Variants in ALDH3A1 observed in about 807,000 individuals in gnomAD.
ALDH3A1 encodes the protein aldehyde dehydrogenase, dimeric NADP-preferring.
In ALDH3A1, 46 loss-of-function variants were observed where a neutral mutation model predicts 49.9. The observed-to-expected ratio is 0.92, with a 90% CI of 0.73 to 1.18. ALDH3A1 has a LOEUF of 1.18. ALDH3A1 is among the 50% of genes most tolerant of loss of function. The pLI, the probability that ALDH3A1 is intolerant of heterozygous loss-of-function variation, is 0.00. For synonymous variants in ALDH3A1, 269 were observed against 253.3 expected (o/e 1.06, Z -0.59); for missense variants, 592 against 611.8 (o/e 0.97, Z 0.34).
In ALDH3A1 at chr17:19,745,300, T is replaced by G. The variant is rs562444690; in HGVS notation, c.-5-166A>C. 1.5e-3 allele frequency: 1,041 copies of G among 701,048 alleles called. 8 individuals are homozygous for G. The highest frequency in any genetic ancestry group is 0.012 in the African/African-American group (612 of 52,786). The allele number at this position is 701,048 out of a possible 1,614,324, so 43.4% of individuals were successfully genotyped here. A position where few individuals can be genotyped will look rare whatever the true frequency, so the allele number is the denominator to read the frequency against. The stretch of plus-strand genomic sequence containing the variant: ...CCTCGCCTCCTCTCCCGCCCCTCAC[T>G]CAGACGCCTGGGCCCTGGCTGCCTT... On this transcript the variant is annotated intron_variant, in intron 1 of 10. Coordinates refer to ENST00000225740, the MANE Select transcript of ALDH3A1 (RefSeq NM_000691.5).
At chr17:19,741,460 T>C (rs2086491080) in intron 5 of ALDH3A1, 2 of 452,556 alleles carry the variant, frequency 4.4e-6, no homozygotes, top group South Asian at 2.4e-5. Flanking sequence ...TGCTCCCTGA[T>C]CACGCCCTTG....
chr17:19,744,195 G>T, intron 2 of ALDH3A1: 1 of 876,728 alleles, frequency 1.1e-6, no homozygotes, highest in Non-Finnish European at 1.4e-6. Flanking sequence ...CCTGAGGGCA[G>T]GAGTTCAAGA....
At chr17:19,745,230 C>T in intron 1 of ALDH3A1, 96 bp from the exon 2 acceptor site, 1 of 1,333,962 alleles carries the variant, frequency 7.5e-7, no homozygotes, top group Non-Finnish European at 9.9e-7. Flanking sequence ...TCCCTGGGCT[C>T]GGCCTTGGGG....
At chr17:19,746,664 T>C (rs749824878) in intron 1 of ALDH3A1, among the ~76,000 whole-genome samples, 43 of 144,474 alleles carry the variant, frequency 3.0e-4, no homozygotes, top group Non-Finnish European at 2.9e-4. Flanking sequence ...CATGTGTGTG[T>C]GTGCGTGTGT....
chr17:19,738,854 C>T (rs1179904543), intron 9 of ALDH3A1, 142 bp downstream of exon 9: 12 of 703,442 alleles, frequency 1.7e-5, no homozygotes, highest in East Asian at 2.7e-5. Context: ...ATGGATGGCA[C>T]GCAGAGGCCA....
In ALDH3A1 at chr17:19,739,536, G is replaced by GC. The variant is rs774423061; in HGVS notation, c.1087dup (p.Ala363GlyfsTer13). On this transcript the variant is annotated frameshift_variant, in exon 8 of 11. Coordinates refer to ENST00000225740, the MANE Select transcript of ALDH3A1 (RefSeq NM_000691.5). LOFTEE classifies it high-confidence loss of function. Reference sequence around the variant, plus strand: ...GTCGTTGCTGGAGAACATGTAGAGGGCCAGGGGCTTCTCACGCTGGTTGAT... The same window carrying GC: ...GTCGTTGCTGGAGAACATGTAGAGGGCCCAGGGGCTTCTCACGCTGGTTGAT... 1 of 1,612,418 alleles carries GC rather than the reference G, an allele frequency of 6.2e-7. No individual in the cohort carries two copies. The highest frequency in any genetic ancestry group is 8.5e-7 in the Non-Finnish European group (1 of 1,179,506).
intron 3 of ALDH3A1, 152 bp from the exon 4 acceptor site, chr17:19,742,782 C>T (rs1220478895): frequency 6.5e-7 from 1 of 1,537,356 alleles, no homozygotes. Flanking sequence ...TCACGGGGCA[C>T]ACCCAGGAGC....
At chr17:19,739,202 G>A in intron 8 of ALDH3A1, 107 bp from the exon 9 acceptor site, 4 of 1,038,964 alleles carry the variant, frequency 3.8e-6, no homozygotes, top group African/African-American at 1.6e-5. Flanking sequence ...ACAGGAGCAG[G>A]TGGAGGCAGA....
intron 7 of ALDH3A1, 176 bp downstream of exon 7, chr17:19,740,160 A>AG: frequency 1.4e-6 from 1 of 701,952 alleles, no homozygotes; most frequent in Non-Finnish European, 2.3e-6. Flanking sequence ...AGGTTGAAGC[A>AG]GGGGCTGTCC....
Position 19,741,186 on chromosome 17 carries a change from C to T in ALDH3A1, c.714G>A (p.Met238Ile). The change falls in exon 6 of 11, where the codon ATG (methionine) becomes ATA (isoleucine). Residue 238 changes from methionine (M) to isoleucine (I), a missense_variant. Coordinates refer to ENST00000225740, the MANE Select transcript of ALDH3A1 (RefSeq NM_000691.5). ...ACRRIAWGKF[M>I]NSGQTCVAPD... ...GGGCCACGCAGGTCTGGCCACTGTT[C>T]ATGAATTTCCCCCAGGCGATGCGTC... The T allele has an allele frequency of 6.2e-7, 1 of 1,614,002 alleles. No homozygotes were observed. The highest frequency in any genetic ancestry group is 8.5e-7 in the Non-Finnish European group (1 of 1,179,934).
intron 2 of ALDH3A1, chr17:19,744,650 A>G (rs1469310570): frequency 1.0e-6 from 1 of 985,190 alleles, no homozygotes; most frequent in Non-Finnish European, 1.2e-6. Flanking sequence ...TGGAGAACCA[A>G]GTGGTCCTGC....
At chr17:19,746,766 T>C (rs1328437707) in intron 1 of ALDH3A1, among the ~76,000 whole-genome samples, 1 of 152,086 alleles carries the variant, frequency 6.6e-6, no homozygotes, top group Non-Finnish European at 1.5e-5. Flanking sequence ...CGCTCTAACA[T>C]GCAAGAAAGG....
At position 19,742,645 on chromosome 17, in the gene ALDH3A1, G is replaced by A. The variant is rs549972913; in HGVS notation, c.395-15C>T. 11 of 1,613,800 alleles carry A rather than the reference G, an allele frequency of 6.8e-6. No homozygotes were observed. Among genetic ancestry groups the A allele is most frequent in the East Asian group, 4.5e-5 (2 of 44,886 alleles). On this transcript the variant is annotated splice_polypyrimidine_tract_variant and intron_variant, in intron 3 of 10. Transcript: ENST00000225740. ...CACTGAGTTCCCTGCAGAGCACACC[G>A]AGCCAGGCCTATGCCCAGGGTACTT...
In ALDH3A1 at chr17:19,743,186, T is replaced by C; in HGVS notation, c.394+46A>G. ...AGCCCATCCTGGCTTGGCTCCACGC[T>C]GGGGGACGGTGCTCCCCCAGCTTCC... On this transcript the variant is annotated intron_variant, in intron 3 of 10. Coordinates refer to ENST00000225740, the MANE Select transcript of ALDH3A1 (RefSeq NM_000691.5). The surrounding 1 kb of genome is among the most constrained non-coding windows in gnomAD (Gnocchi z 4.4). 6.2e-7 allele frequency: 1 copy of C among 1,608,100 alleles called. No individual in the cohort carries two copies. The highest frequency in any genetic ancestry group is 8.5e-7 in the Non-Finnish European group (1 of 1,178,018).
Position 19,742,100 on chromosome 17 carries a change from G to T in ALDH3A1, c.593C>A (p.Thr198Lys), listed in dbSNP as rs139173953. ...GSTGVGKIIM[T>K]AAAKHLTPVT... ...AGGGGTCAGGTGCTTGGCAGCAGCC[G>T]TCATGATGATCTTCCCCACCCCCGT... The change falls in exon 5 of 11, where the codon ACG (threonine) becomes AAG (lysine). Residue 198 changes from threonine (T) to lysine (K), a missense_variant. Thr to Lys is a moderately conservative substitution (Grantham distance 78). Coordinates refer to ENST00000225740, the MANE Select transcript of ALDH3A1 (RefSeq NM_000691.5). The T allele has an allele frequency of 6.2e-7, 1 of 1,614,004 alleles. No individual in the cohort carries two copies. Among genetic ancestry groups the T allele is most frequent in the Non-Finnish European group, 8.5e-7 (1 of 1,180,012 alleles).
chr17:19,742,802 C>A, intron 3 of ALDH3A1, 172 bp from the exon 4 acceptor site: 1 of 1,535,104 alleles, frequency 6.5e-7, no homozygotes, highest in Non-Finnish European at 8.7e-7. Context: ...CACGCACGGG[C>A]ACATGACAGA....
intron 5 of ALDH3A1, 109 bp from the exon 6 acceptor site, chr17:19,741,319 G>A: frequency 1.1e-6 from 1 of 914,738 alleles, no homozygotes; most frequent in South Asian, 1.5e-5. Flanking sequence ...CTGTGACCTT[G>A]CCACCAGTGA....
Position 19,739,056 on chromosome 17 carries a change from C to T in ALDH3A1, c.1156G>A (p.Val386Met). 1 of 1,613,862 alleles carries T rather than the reference C, an allele frequency of 6.2e-7. No individual in the cohort carries two copies. Among genetic ancestry groups the T allele is most frequent in the Non-Finnish European group, 8.5e-7 (1 of 1,179,906 alleles). ...KMIAETSSGG[V>M]AANDVIVHIT... ...TGGACGATGACATCGTTGGCCGCCA[C>T]CCCACCACTGGATGTCTCTGCAATC... Residue 386 changes from valine (V) to methionine (M), a missense_variant, in exon 9 of 11, where the codon GTG becomes ATG. Transcript: ENST00000225740.
intron 2 of ALDH3A1, 49 bp downstream of exon 2, chr17:19,744,919 C>CCCCCCCCCCA (rs2152375982): frequency 9.4e-6 from 13 of 1,385,366 alleles, no homozygotes; most frequent in Non-Finnish European, 1.0e-5. Context: ...CCCCACGCCC[C>CCCCCCCCCCA]ATCGCATGGC....
Sources: allele counts gnomAD v4.1 joint callset (sites outside exome capture counted in the v4.1 genomes callset), GRCh38; gene constraint gnomAD v4.1.1; non-coding constraint Gnocchi (gnomAD v3.1); transcripts MANE v1.5; gene names NCBI Gene and HGNC (gene_info 2026-07-23, HGNC 2026-07-21).